IL1RAPL2: variants seen among roughly 807,000 people sequenced by gnomAD.
IL1RAPL2 encodes the protein interleukin 1 receptor accessory protein like 2, also known as X-linked interleukin-1 receptor accessory protein-like 2.
Under a neutral mutation model 44.1 loss-of-function variants are expected in IL1RAPL2, and 3 were observed. The ratio of observed to expected loss-of-function variants is 0.07; its 90% CI spans 0.03 to 0.18. IL1RAPL2 has a LOEUF of 0.18. IL1RAPL2 is among the 10% of genes least tolerant of loss of function. The pLI is 1.00. For missense variants in IL1RAPL2, 391 were observed against 496.4 expected (o/e 0.79, Z 2.02); for synonymous variants, 181 against 178.8 (o/e 1.01, Z -0.10).
intron 6 of IL1RAPL2, among the ~76,000 whole-genome samples, chrX:105,492,421 T>G (rs2036326862): frequency 9.0e-6 from 1 of 110,598 alleles, no homozygotes; most frequent in African/African-American, 3.3e-5. Context: ...TAAATAATAT[T>G]AACAACTATA....
chrX:105,132,218 G>A (rs1017885017), intron 2 of IL1RAPL2, among the ~76,000 whole-genome samples: 17 of 108,897 alleles, frequency 1.6e-4, no homozygotes, highest in Admixed American at 7.9e-4. Flanking sequence ...TGCAAATGTC[G>A]GCTTTAACAA....
In IL1RAPL2 at chrX:105,193,269, A is replaced by G. The variant is rs782569384; in HGVS notation, c.83-2206A>G. ...AGTTTGATGCTATTTTGCAAAGCCA[A>G]ATTTGTTAATTCAAAAATATTTGCT... On this transcript the variant is annotated intron_variant, in intron 2 of 10. Coordinates refer to ENST00000372582, the MANE Select transcript of IL1RAPL2 (RefSeq NM_017416.2). Among the ~76,000 whole-genome samples the G allele has an allele frequency of 1.7e-3, 187 of 111,773 alleles. 1 individual carries two copies. Among genetic ancestry groups the G allele is most frequent in the African/African-American group, 5.7e-3 (176 of 30,771 alleles).
At chrX:105,032,017 G>A (rs1357561202) in intron 2 of IL1RAPL2, among the ~76,000 whole-genome samples, 1 of 111,482 alleles carries the variant, frequency 9.0e-6, no homozygotes, top group African/African-American at 3.3e-5. Flanking sequence ...TTTGCGTAGA[G>A]GTGTTTGTAG....
At chrX:105,651,962 C>G (rs1198624092) in intron 6 of IL1RAPL2, among the ~76,000 whole-genome samples, 1 of 111,883 alleles carries the variant, frequency 8.9e-6, no homozygotes, top group Non-Finnish European at 1.9e-5. Flanking sequence ...AATCTATAAA[C>G]TTTTCACTTG....
intron 10 of IL1RAPL2, among the ~76,000 whole-genome samples, chrX:105,763,986 T>C (rs1008362402): frequency 3.6e-5 from 4 of 111,724 alleles, no homozygotes; most frequent in African/African-American, 1.3e-4. Context: ...CTAGTGCATA[T>C]GATTAATGTA....
chrX:104,879,132 T>C lies in IL1RAPL2; in HGVS notation c.82+220137T>C, dbSNP rs1297219191. Among the ~76,000 whole-genome samples, 4 of 110,515 alleles carry C rather than the reference T, an allele frequency of 3.6e-5. No individual in the cohort carries two copies. In the East Asian group the frequency reaches 1.1e-3, roughly 31 times the overall value. ...GCTCTGGTTTGATTTTAGACTTTTA[T>C]ATTTTTATTAATTTGTGCATATTTA... is the stretch of plus-strand genomic sequence containing the variant. On this transcript the variant is annotated intron_variant, in intron 2 of 10. Transcript: ENST00000372582.
At chrX:104,987,174 A>G (rs1022594891) in intron 2 of IL1RAPL2, among the ~76,000 whole-genome samples, 32 of 111,628 alleles carry the variant, frequency 2.9e-4, no homozygotes, top group African/African-American at 1.0e-3. Context: ...AATAAGCACA[A>G]AATTGTCTCA....
chrX:104,687,587 A>G (rs1482055978), intron 2 of IL1RAPL2, among the ~76,000 whole-genome samples: 1 of 111,412 alleles, frequency 9.0e-6, no homozygotes, highest in South Asian at 3.8e-4. Flanking sequence ...TCATTCCCCA[A>G]GGGCCATCTG....
chrX:104,606,715 A>G (rs922701533), intron 1 of IL1RAPL2, among the ~76,000 whole-genome samples: 1 of 111,237 alleles, frequency 9.0e-6, no homozygotes, highest in Non-Finnish European at 1.9e-5. Context: ...CAAAGAGAAT[A>G]AAATACCTAG....
At chrX:105,262,849 C>G (rs1354493218) in intron 4 of IL1RAPL2, among the ~76,000 whole-genome samples, 1 of 111,093 alleles carries the variant, frequency 9.0e-6, no homozygotes, top group East Asian at 2.8e-4. Context: ...ATTGTCTCTT[C>G]CATCTTTAAA....
At chrX:105,417,007 G>T (rs1469496080) in intron 5 of IL1RAPL2, among the ~76,000 whole-genome samples, 1 of 111,931 alleles carries the variant, frequency 8.9e-6, no homozygotes, top group Non-Finnish European at 1.9e-5. Context: ...TTTGTAAATT[G>T]CAACCTTTTC....
At chrX:105,022,428 T>G (rs1404021805) in intron 2 of IL1RAPL2, among the ~76,000 whole-genome samples, 2 of 111,770 alleles carry the variant, frequency 1.8e-5, no homozygotes, top group East Asian at 5.7e-4. Context: ...CAGTCACACG[T>G]ATTAAATGAC....
chrX:105,594,546 A>T (rs1257654877), intron 6 of IL1RAPL2, among the ~76,000 whole-genome samples: 1 of 111,659 alleles, frequency 9.0e-6, no homozygotes, highest in South Asian at 3.7e-4. Context: ...GACAAGTATT[A>T]TTATTCTTAT....
At chrX:105,089,210 G>C (rs955168560) in intron 2 of IL1RAPL2, among the ~76,000 whole-genome samples, 2 of 110,959 alleles carry the variant, frequency 1.8e-5, no homozygotes, top group Non-Finnish European at 3.8e-5. Flanking sequence ...CCTATTTTCA[G>C]CCATGATACT....
At chrX:105,626,242 C>T (rs2037452114) in intron 6 of IL1RAPL2, among the ~76,000 whole-genome samples, 1 of 111,679 alleles carries the variant, frequency 9.0e-6, no homozygotes, top group African/African-American at 3.3e-5. Flanking sequence ...GAGGTGCACA[C>T]ACATTTTATG....
At chrX:104,899,411 T>C (rs938566425) in intron 2 of IL1RAPL2, among the ~76,000 whole-genome samples, 1 of 111,848 alleles carries the variant, frequency 8.9e-6, no homozygotes, top group African/African-American at 3.2e-5. Context: ...TTGTTTTCCC[T>C]TGGGCATGAT....
chrX:105,551,126 T>C (rs1655299902), intron 6 of IL1RAPL2, among the ~76,000 whole-genome samples: 1 of 110,545 alleles, frequency 9.0e-6, no homozygotes, highest in Admixed American at 9.7e-5. Flanking sequence ...CCCAGCCTAA[T>C]GTTCTTTCTA....
intron 2 of IL1RAPL2, among the ~76,000 whole-genome samples, chrX:104,711,960 C>A (rs962685699): frequency 4.5e-5 from 5 of 111,104 alleles, no homozygotes; most frequent in Non-Finnish European, 9.5e-5. Flanking sequence ...GGAGGACTTG[C>A]CAGCTTTGAA....
chrX:105,659,382 G>A (rs936572065), intron 6 of IL1RAPL2, among the ~76,000 whole-genome samples: 2 of 111,345 alleles, frequency 1.8e-5, no homozygotes, highest in South Asian at 7.6e-4. Flanking sequence ...ATAGGGACGG[G>A]CGCGGTGGCT....
Sources: allele counts gnomAD v4.1 joint callset (sites outside exome capture counted in the v4.1 genomes callset), GRCh38; gene constraint gnomAD v4.1.1; transcripts MANE v1.5; gene names NCBI Gene and HGNC (gene_info 2026-07-23, HGNC 2026-07-21).